The following REXO1 variants were observed in gnomAD, a reference collection of about 807,000 sequenced individuals.
REXO1 encodes the protein RNA exonuclease 1 homolog.
A neutral mutation model predicts 102.6 loss-of-function variants in REXO1; 42 were observed. The ratio of observed to expected loss-of-function variants is 0.41; its 90% CI spans 0.32 to 0.53. REXO1 has a LOEUF of 0.53. Among genes scored for constraint, REXO1 ranks in the 20% least tolerant of loss-of-function variants. The pLI is 0.27. For synonymous variants in REXO1, 908 were observed against 779.1 expected (o/e 1.17, Z -2.76); for missense variants, 1,819 against 1,732.5 (o/e 1.05, Z -0.89).
chr19:1,816,380 C>A (rs769446071), intron 14 of REXO1, 35 bp from the exon 15 acceptor site: 3 of 1,596,082 alleles, frequency 1.9e-6, no homozygotes, highest in East Asian at 4.5e-5. Context: ...GCACGTGGGG[C>A]CTGCGCAGGT....
At position 1,815,577 on chromosome 19, in the gene REXO1, A is replaced by C; in HGVS notation, c.*489T>G. 1.6e-4 allele frequency: 100 copies of C among 630,154 alleles called. No individual in the cohort carries two copies. Among genetic ancestry groups the C allele is most frequent in the Non-Finnish European group, 2.1e-4 (96 of 451,716 alleles). 39.0% of individuals were successfully genotyped at this position (630,154 alleles called of 1,614,324 possible). On this transcript the variant is annotated 3_prime_UTR_variant, in exon 16 of 16. Coordinates refer to ENST00000170168, the MANE Select transcript of REXO1 (RefSeq NM_020695.4). This position sits in a 1 kb window ranked among gnomAD's most constrained non-coding sequence, Gnocchi z 4.0. ...GTCCCACCCCCACCCCGCAGGAGGG[A>C]AGGCAGCAGGCCCGCTCTTCCCGGT...
In REXO1 at chr19:1,816,820, G is replaced by C. The variant is rs1489293891; in HGVS notation, c.3202-7C>G. On this transcript the variant is annotated splice_polypyrimidine_tract_variant and splice_region_variant and intron_variant, in intron 12 of 15. Coordinates refer to ENST00000170168, the MANE Select transcript of REXO1 (RefSeq NM_020695.4). ...GGCCATATGTGGTGTAGGACTGCGG[G>C]CAAGGGATGCACCTCAGATGTGTCC... 1.2e-6 allele frequency: 2 copies of C among 1,600,784 alleles called. No individual in the cohort carries two copies. Among genetic ancestry groups the C allele is most frequent in the Non-Finnish European group, 1.7e-6 (2 of 1,169,520 alleles).
intron 1 of REXO1, among the ~76,000 whole-genome samples, chr19:1,831,085 A>C (rs905861806): frequency 2.0e-5 from 3 of 152,196 alleles, no homozygotes; most frequent in African/African-American, 7.2e-5. Flanking sequence ...GGCCCACACC[A>C]AGCCCGCAGT....
At chr19:1,843,030 C>CT (rs2011362203) in intron 1 of REXO1, among the ~76,000 whole-genome samples, 1 of 152,186 alleles carries the variant, frequency 6.6e-6, no homozygotes, top group Non-Finnish European at 1.5e-5. Flanking sequence ...CTCTAACCCC[C>CT]TCCACACAGG....
At position 1,815,941 on chromosome 19, in the gene REXO1, C is replaced by CCGCTGCTCTGGGCTGCCT; in HGVS notation, c.*107_*124dup. On this transcript the variant is annotated 3_prime_UTR_variant, in exon 16 of 16. Transcript: ENST00000170168. This position sits in a 1 kb window ranked among gnomAD's most constrained non-coding sequence, Gnocchi z 4.0. ...GGCGTTCTCTGGCCGCCAGCTCATC[C>CCGCTGCTCTGGGCTGCCT]CGCTGCTCTGGGCTGCCTCGGCCAG... 1 of 1,535,112 alleles carries CCGCTGCTCTGGGCTGCCT rather than the reference C, an allele frequency of 6.5e-7. No individual in the cohort carries two copies. The highest frequency in any genetic ancestry group is 8.7e-7 in the Non-Finnish European group (1 of 1,146,532).
At chr19:1,822,181 T>C in intron 4 of REXO1, 1 of 310,962 alleles carries the variant, frequency 3.2e-6, no homozygotes, top group Non-Finnish European at 5.8e-6. Context: ...GGCATGTACG[T>C]CTGTGTGGCA....
At chr19:1,830,025 T>C (rs982836110) in intron 1 of REXO1, among the ~76,000 whole-genome samples, 1 of 152,140 alleles carries the variant, frequency 6.6e-6, no homozygotes, top group African/African-American at 2.4e-5. Context: ...CAGAACATAG[T>C]GTAGCAGACC....
At chr19:1,843,794 C>T (rs370862071) in intron 1 of REXO1, among the ~76,000 whole-genome samples, 1 of 152,230 alleles carries the variant, frequency 6.6e-6, no homozygotes, top group East Asian at 1.9e-4. Flanking sequence ...CACAGGTGGT[C>T]AGACGGTGCC....
rs1476442711 is a variant in REXO1 at position 1,816,880 on chromosome 19, CCTTT to C, written c.3202-71_3202-68del. 19 of 1,222,598 alleles carry C rather than the reference CCTTT, an allele frequency of 1.6e-5. No individual in the cohort carries two copies. The Admixed American group carries it at 2.5e-4, about 16-fold the overall frequency. The allele number at this position is 1,222,598 out of a possible 1,614,324, so 75.7% of individuals were successfully genotyped here. ...GCCTCCCTCCCTCCCCTTCCCTGCC[CCTTT>C]GAGTCTCCAGAGCCCCTCCAGGCAG... On this transcript the variant is annotated intron_variant, in intron 12 of 15. Coordinates refer to ENST00000170168, the MANE Select transcript of REXO1 (RefSeq NM_020695.4).
At chr19:1,819,154 A>G (rs1208747632) in intron 7 of REXO1, 23 bp from the exon 8 acceptor site, 2 of 1,535,288 alleles carry the variant, frequency 1.3e-6, no homozygotes, top group Admixed American at 1.9e-5. Context: ...GAGGGAGGGG[A>G]GGAGGGTGTG....
intron 1 of REXO1, among the ~76,000 whole-genome samples, chr19:1,845,950 G>A (rs974636064): frequency 3.3e-5 from 5 of 152,130 alleles, no homozygotes; most frequent in Non-Finnish European, 7.4e-5. Context: ...CACGTTCCTC[G>A]ATAAGCCTCC....
At chr19:1,817,424 T>TATCC (rs749655817) in intron 11 of REXO1, 95 bp from the exon 12 acceptor site, 1 of 1,546,228 alleles carries the variant, frequency 6.5e-7, no homozygotes, top group South Asian at 1.2e-5. Context: ...GGGACCATCC[T>TATCC]ATCCATCCAT....
In REXO1 at chr19:1,815,682, A is replaced by G; in HGVS notation, c.*384T>C. ...ATACAAAATAAAAAAAGACTGTCTC[A>G]AACAAACCTGGGACAAGCCCGCCCC... is the stretch of plus-strand genomic sequence containing the variant. On this transcript the variant is annotated 3_prime_UTR_variant, in exon 16 of 16. Coordinates refer to ENST00000170168, the MANE Select transcript of REXO1 (RefSeq NM_020695.4). This position sits in a 1 kb window ranked among gnomAD's most constrained non-coding sequence, Gnocchi z 4.0. 7.6e-7 allele frequency: 1 copy of G among 1,307,880 alleles called. No homozygotes were observed. The highest frequency in any genetic ancestry group is 9.8e-7 in the Non-Finnish European group (1 of 1,018,934). The allele number at this position is 1,307,880 out of a possible 1,614,324, so 81.0% of individuals were successfully genotyped here. A position where few individuals can be genotyped will look rare whatever the true frequency, so the allele number is the denominator to read the frequency against.
At chr19:1,831,511 C>T (rs2069900451) in intron 1 of REXO1, among the ~76,000 whole-genome samples, 1 of 152,040 alleles carries the variant, frequency 6.6e-6, no homozygotes, top group Non-Finnish European at 1.5e-5. Flanking sequence ...ATGGCCCCCA[C>T]CCACACCCCC....
In REXO1 at chr19:1,816,336, T is replaced by C. The variant is rs762908219; in HGVS notation, c.3466A>G (p.Ser1156Gly). 6.3e-7 allele frequency: 1 copy of C among 1,591,828 alleles called. No individual in the cohort carries two copies. The change falls in exon 15 of 16, where the codon AGC (serine) becomes GGC (glycine). Residue 1156 changes from serine (S) to glycine (G), a missense_variant. Transcript: ENST00000170168. ...AGCACAGACGTGTCCACCACGGTGC[T>C]GTGGATGACCTGTGGGCAGCGGCAG... Reference protein sequence around the residue: ...SDLLALKVIHSTVVDTSVLFP... With the variant: ...SDLLALKVIHGTVVDTSVLFP...
chr19:1,831,494 T>C (rs1049598932), intron 1 of REXO1, among the ~76,000 whole-genome samples: 7 of 151,922 alleles, frequency 4.6e-5, no homozygotes, highest in Non-Finnish European at 8.8e-5. Context: ...AACTGGAGGC[T>C]TCCCCTATGG....
chr19:1,848,101 A>C, intron 1 of REXO1, 101 bp downstream of exon 1: 1 of 538,374 alleles, frequency 1.9e-6, no homozygotes, highest in African/African-American at 2.0e-5. Flanking sequence ...ACGTGTGGGG[A>C]GGAGGCTGGG....
intron 1 of REXO1, among the ~76,000 whole-genome samples, chr19:1,846,372 C>A (rs2011540868): frequency 6.6e-6 from 1 of 152,154 alleles, no homozygotes; most frequent in Non-Finnish European, 1.5e-5. Flanking sequence ...AGGCAGTCTT[C>A]TACCAGACAG....
chr19:1,825,547 C>T (rs1445626160), intron 3 of REXO1, among the ~76,000 whole-genome samples: 2 of 151,396 alleles, frequency 1.3e-5, no homozygotes, highest in Non-Finnish European at 2.9e-5. Flanking sequence ...GCAATCTTGG[C>T]TCACTGTAAC....
Sources: gnomAD v4.1 joint callset for allele counts (sites outside exome capture counted in the v4.1 genomes callset) on GRCh38, gnomAD v4.1.1 for gene constraint, Gnocchi (gnomAD v3.1) non-coding constraint, MANE v1.5 for transcripts, NCBI Gene and HGNC (gene_info 2026-07-23, HGNC 2026-07-21) for gene names.